Variants in GSK3B observed in about 807,000 individuals in gnomAD.
The protein encoded by GSK3B is glycogen synthase kinase-3 beta.
Under a neutral mutation model 56.4 loss-of-function variants are expected in GSK3B, and 15 were observed. The observed-to-expected ratio is 0.27, with a 90% CI of 0.18 to 0.41. GSK3B has a LOEUF of 0.41. Among genes scored for constraint, GSK3B ranks in the 10% least tolerant of loss-of-function variants. GSK3B has a pLI of 1.00. For missense variants in GSK3B, 300 were observed against 513.4 expected (o/e 0.58, Z 4.02); for synonymous variants, 181 against 188.9 (o/e 0.96, Z 0.34).
chr3:119,929,640 C>T (rs1324540686), intron 3 of GSK3B, among the ~76,000 whole-genome samples: 12 of 151,960 alleles, frequency 7.9e-5, no homozygotes, highest in African/African-American at 2.9e-4. Context: ...TGGTGGCTCA[C>T]GCCTGTAATC....
chr3:120,017,662 G>C (rs1054949914), intron 1 of GSK3B, among the ~76,000 whole-genome samples: 6 of 152,156 alleles, frequency 3.9e-5, no homozygotes, highest in Non-Finnish European at 8.8e-5. Flanking sequence ...GAGGAGAGAG[G>C]ACAGGATTTG....
intron 1 of GSK3B, among the ~76,000 whole-genome samples, chr3:120,062,083 C>T (rs914404823): frequency 6.6e-6 from 1 of 152,156 alleles, no homozygotes; most frequent in Non-Finnish European, 1.5e-5. Context: ...CCCTTGTCAG[C>T]AACTAAGTAT....
chr3:119,958,464 C>A (rs1021117800), intron 2 of GSK3B, among the ~76,000 whole-genome samples: 7 of 151,994 alleles, frequency 4.6e-5, no homozygotes, highest in African/African-American at 1.7e-4. Context: ...ATCACTTGGG[C>A]CCAGGAGTTC....
chr3:119,895,666 T>C (rs1351600523), intron 7 of GSK3B, among the ~76,000 whole-genome samples: 4 of 152,178 alleles, frequency 2.6e-5, no homozygotes, highest in Non-Finnish European at 4.4e-5. Context: ...AAAAAGACTA[T>C]TGTTTCCCCA....
intron 2 of GSK3B, among the ~76,000 whole-genome samples, chr3:119,962,580 G>GA (rs111991397): frequency 0.028 from 4,128 of 145,362 alleles, 182 homozygotes; most frequent in African/African-American, 0.095. Flanking sequence ...ATCTAAATTG[G>GA]AAAAAAAAAA....
At chr3:120,068,318 G>A (rs1045429795) in intron 1 of GSK3B, among the ~76,000 whole-genome samples, 16 of 151,160 alleles carry the variant, frequency 1.1e-4, no homozygotes, top group Non-Finnish European at 1.5e-5. Flanking sequence ...TTGAACCTGG[G>A]AGGCGGAGGT....
At chr3:119,911,857 T>C (rs968835372) in intron 6 of GSK3B, among the ~76,000 whole-genome samples, 9 of 152,218 alleles carry the variant, frequency 5.9e-5, no homozygotes, top group Admixed American at 1.3e-4. Context: ...CTTGCTGGGT[T>C]AGGCTTTGGC....
At chr3:120,024,350 C>T (rs552891101) in intron 1 of GSK3B, among the ~76,000 whole-genome samples, 1 of 152,002 alleles carries the variant, frequency 6.6e-6, no homozygotes, top group African/African-American at 2.4e-5. Flanking sequence ...AAGACCCTGT[C>T]TCAAAAAAAA....
intron 9 of GSK3B, among the ~76,000 whole-genome samples, chr3:119,848,474 TACAATTCAGC>T (rs1429963861): frequency 6.6e-6 from 1 of 152,100 alleles, no homozygotes; most frequent in East Asian, 1.9e-4. Flanking sequence ...TTTAAAAGTG[TACAATTCAGC>T]ACAATTCAGC....
In GSK3B at chr3:119,880,882, CTTTT is replaced by C. The variant is rs1463081304; in HGVS notation, c.814-4378_814-4375del. Among the ~76,000 whole-genome samples, 3 of 152,060 alleles carry C rather than the reference CTTTT, an allele frequency of 2.0e-5. No individual in the cohort carries two copies. The East Asian group carries it at 5.8e-4, about 29-fold the overall frequency. On this transcript the variant is annotated intron_variant, in intron 7 of 10. Transcript: ENST00000264235. ...CCGTCACATGCAACTCTATTGGATT[CTTTT>C]GAGAGCTGAAAACAAACAACAGCGG...
At chr3:119,886,749 A>C (rs1368145310) in intron 7 of GSK3B, among the ~76,000 whole-genome samples, 1 of 152,182 alleles carries the variant, frequency 6.6e-6, no homozygotes, top group Admixed American at 6.6e-5. Flanking sequence ...CATTATCTTA[A>C]GCAAATTACT....
At chr3:119,913,652 G>C (rs1239289965) in intron 5 of GSK3B, among the ~76,000 whole-genome samples, 1 of 150,332 alleles carries the variant, frequency 6.7e-6, no homozygotes, top group Non-Finnish European at 1.5e-5. Context: ...CAGTAAAACA[G>C]TAAGTGCCAA....
intron 6 of GSK3B, among the ~76,000 whole-genome samples, chr3:119,912,347 T>G (rs138311274): frequency 6.6e-6 from 1 of 152,068 alleles, no homozygotes; most frequent in East Asian, 1.9e-4. Flanking sequence ...TAGATCACCA[T>G]AGCAGATACA....
In GSK3B at chr3:119,920,905, C is replaced by T. The variant is rs57028282; in HGVS notation, c.477+2468G>A. Reference sequence around the variant, plus strand: ...TACCCACATATTTCCTAGCTCTGTTCGCTAAAAAGACCCAGAAACAATAAC... The same window carrying T: ...TACCCACATATTTCCTAGCTCTGTTTGCTAAAAAGACCCAGAAACAATAAC... On this transcript the variant is annotated intron_variant, in intron 4 of 10. Transcript: ENST00000264235. Among the ~76,000 whole-genome samples the T allele has an allele frequency of 5.0e-3, 754 of 152,264 alleles. 3 individuals carry two copies. Among genetic ancestry groups the T allele is most frequent in the African/African-American group, 0.017 (704 of 41,548 alleles).
chr3:120,079,781 T>C (rs2058402860), intron 1 of GSK3B, among the ~76,000 whole-genome samples: 1 of 152,192 alleles, frequency 6.6e-6, no homozygotes, highest in Non-Finnish European at 1.5e-5. Flanking sequence ...AATTATACCT[T>C]GTTCTTTAGT....
At chr3:119,844,973 C>T (rs540342939) in intron 9 of GSK3B, among the ~76,000 whole-genome samples, 1 of 152,108 alleles carries the variant, frequency 6.6e-6, no homozygotes, top group African/African-American at 2.4e-5. Context: ...ATGATCAAGT[C>T]GGCTTCATCC....
At chr3:119,854,889 T>A (rs2055994408) in intron 9 of GSK3B, among the ~76,000 whole-genome samples, 1 of 152,172 alleles carries the variant, frequency 6.6e-6, no homozygotes, top group South Asian at 2.1e-4. Flanking sequence ...TTCACTGACT[T>A]TTTGAAGGGT....
rs2056914932 is a variant in GSK3B, at chr3:119,928,800, C to A, written c.367-5317G>T. Among the ~76,000 whole-genome samples, 3 of 151,784 alleles carry A rather than the reference C, an allele frequency of 2.0e-5. No individual in the cohort carries two copies. The South Asian group carries it at 6.2e-4, about 32-fold the overall frequency. ...TTACTAGGAGTTATGTAACTATGAG[C>A]AAGTTATTTAACCTCTCTAAGCATC... On this transcript the variant is annotated intron_variant, in intron 3 of 10. Transcript: ENST00000264235.
intron 2 of GSK3B, among the ~76,000 whole-genome samples, chr3:119,980,672 A>T (rs2057452045): frequency 6.6e-6 from 1 of 152,164 alleles, no homozygotes; most frequent in Non-Finnish European, 1.5e-5. Flanking sequence ...TTTTTTAATA[A>T]ATGAAATATT....
Sources: gnomAD v4.1 joint callset for allele counts (sites outside exome capture counted in the v4.1 genomes callset) on GRCh38, gnomAD v4.1.1 for gene constraint, MANE v1.5 for transcripts, NCBI Gene and HGNC (gene_info 2026-07-23, HGNC 2026-07-21) for gene names.